Variants in NADK observed in about 807,000 individuals in gnomAD.
The protein encoded by NADK is NAD kinase, also known as poly(P)/ATP NAD kinase.
A neutral mutation model predicts 49.8 loss-of-function variants in NADK; 22 were observed. That is an observed-to-expected ratio of 0.44 (90% CI 0.32 to 0.63). The LOEUF is 0.63. Ranked by LOEUF, NADK falls within the 30% of genes least tolerant of loss-of-function variation. The pLI, the probability that NADK is intolerant of heterozygous loss-of-function variation, is 0.06. For synonymous variants in NADK, 268 were observed against 253.7 expected, an observed-to-expected ratio of 1.06 and a Z score of -0.54; for missense variants, 438 against 609.4, an observed-to-expected ratio of 0.72 and a Z score of 2.96.
At chr1:1,763,081 G>C (rs964606677) in intron 2 of NADK, among the ~76,000 whole-genome samples, 1 of 152,240 alleles carries the variant, frequency 6.6e-6, no homozygotes, top group African/African-American at 2.4e-5. Flanking sequence ...CCGCTGCCTC[G>C]CAGGGCCAGA....
chr1:1,756,281 G>A lies in NADK; in HGVS notation c.562C>T (p.Leu188=). The A allele has an allele frequency of 6.2e-7, 1 of 1,614,130 alleles. No homozygotes were observed. The highest frequency in any genetic ancestry group is 8.5e-7 in the Non-Finnish European group (1 of 1,179,988). The change falls in exon 6 of 12, where the codon CTG becomes TTG. Residue 188 remains leucine (L), a synonymous_variant. Coordinates refer to ENST00000341426, the MANE Select transcript of NADK (RefSeq NM_023018.5). ...ACCTGGAAAAGCGAGGAAGCGTACA[G>A]CAGCGTCCCGTCTCCCCCCAGGCAG... ...IICLGGDGTL[L]YASSLFQGSV... is the part of the protein sequence containing the mutation.
At chr1:1,769,035 C>G (rs1420285236) in intron 1 of NADK, among the ~76,000 whole-genome samples, 1 of 152,234 alleles carries the variant, frequency 6.6e-6, no homozygotes, top group Non-Finnish European at 1.5e-5. Context: ...ACAGCCCAGG[C>G]ACCGGCACTT....
intron 6 of NADK, 93 bp from the exon 7 acceptor site, chr1:1,755,569 G>A: frequency 2.2e-6 from 2 of 909,656 alleles, no homozygotes; most frequent in Non-Finnish European, 3.6e-6. Flanking sequence ...ACCCAGCTCT[G>A]TGGGGACAGC....
intron 3 of NADK, chr1:1,758,501 G>A (rs780637749): frequency 7.4e-6 from 12 of 1,610,866 alleles, no homozygotes; most frequent in Non-Finnish European, 1.0e-5. Flanking sequence ...CAGCATCCAG[G>A]CCACGCTTGG....
At chr1:1,771,117 TA>T (rs1646040222) in intron 1 of NADK, among the ~76,000 whole-genome samples, 2 of 147,770 alleles carry the variant, frequency 1.4e-5, no homozygotes, top group South Asian at 4.2e-4. Flanking sequence ...TATATCTTAT[TA>T]AAATATATAT....
rs535936720 is a variant in NADK at position 1,754,077 on chromosome 1, C to T, written c.1075G>A (p.Val359Met). ...TTCAGCTCGACCCCTGCGGGGACCA[C>T]GATGGGCCGGAAGGACAGCGAGTGG... ...CPHSLSFRPI[V>M]VPAGVELKIM... Residue 359 changes from valine (V) to methionine (M), a missense_variant, in exon 10 of 12, where the codon GTG (valine) becomes ATG (methionine). Coordinates refer to ENST00000341426, the MANE Select transcript of NADK (RefSeq NM_023018.5). The surrounding 1 kb of genome is among the most constrained non-coding windows in gnomAD (Gnocchi z 4.3). The T allele has an allele frequency of 8.1e-6, 13 of 1,599,342 alleles. No homozygotes were observed. In the South Asian group the frequency reaches 9.9e-5, roughly 12 times the overall value.
At chr1:1,762,180 C>A (rs1250651212) in intron 2 of NADK, 145 bp from the exon 3 acceptor site, 5 of 711,170 alleles carry the variant, frequency 7.0e-6, no homozygotes, top group African/African-American at 1.8e-5. Flanking sequence ...CACACAATAG[C>A]CCTTGGAAGG....
intron 1 of NADK, among the ~76,000 whole-genome samples, chr1:1,771,293 C>G (rs1365621050): frequency 6.6e-6 from 1 of 151,874 alleles, no homozygotes; most frequent in Non-Finnish European, 1.5e-5. Flanking sequence ...GATTGGAGGA[C>G]TCAATATTGA....
intron 2 of NADK, among the ~76,000 whole-genome samples, chr1:1,764,546 G>A (rs961933914): frequency 5.9e-5 from 9 of 152,136 alleles, no homozygotes; most frequent in African/African-American, 1.7e-4. Flanking sequence ...CCCAGCCTTC[G>A]CCTCTCAAAA....
chr1:1,761,806 G>T, intron 3 of NADK, 146 bp downstream of exon 3: 1 of 696,380 alleles, frequency 1.4e-6, no homozygotes, highest in Non-Finnish European at 2.5e-6. Flanking sequence ...CTCACATGAA[G>T]TGCTAGAATC....
At position 1,755,489 on chromosome 1, in the gene NADK, G is replaced by T; in HGVS notation, c.586-13C>A. 2 of 1,607,890 alleles carry T rather than the reference G, an allele frequency of 1.2e-6. No homozygotes were observed. Among genetic ancestry groups the T allele is most frequent in the Non-Finnish European group, 1.7e-6 (2 of 1,174,980 alleles). On this transcript the variant is annotated splice_polypyrimidine_tract_variant and intron_variant, in intron 6 of 11. Coordinates refer to ENST00000341426, the MANE Select transcript of NADK (RefSeq NM_023018.5). ...GAGGGACGCTGCCCTGTGAGCCGAC[G>T]GAGAGGTCACTCAGTGCCCACGCCG...
At chr1:1,777,505 A>G (rs985817764) in intron 1 of NADK, among the ~76,000 whole-genome samples, 2 of 152,228 alleles carry the variant, frequency 1.3e-5, no homozygotes, top group Admixed American at 1.3e-4. Flanking sequence ...TCAAGAGCCA[A>G]GAATAATGAA....
chr1:1,754,239 G>T lies in NADK; in HGVS notation c.944-31C>A. The T allele has an allele frequency of 5.0e-6, 8 of 1,613,072 alleles. No homozygotes were observed. Among genetic ancestry groups the T allele is most frequent in the Non-Finnish European group, 6.8e-6 (8 of 1,179,868 alleles). ...AGGGACAGGCGCAGGCGTCACTCCC[G>T]CCCGAGGGACGCTCAGGGCCCCAGG... is the stretch of plus-strand genomic sequence containing the variant. On this transcript the variant is annotated intron_variant, in intron 9 of 11. Coordinates refer to ENST00000341426, the MANE Select transcript of NADK (RefSeq NM_023018.5). This position sits in a 1 kb window ranked among gnomAD's most constrained non-coding sequence, Gnocchi z 4.3.
chr1:1,767,914 T>G (rs184180448), intron 1 of NADK, among the ~76,000 whole-genome samples: 3 of 152,320 alleles, frequency 2.0e-5, no homozygotes, highest in African/African-American at 7.2e-5. Flanking sequence ...GGCACACATC[T>G]GTAATCCTAA....
intron 3 of NADK, among the ~76,000 whole-genome samples, chr1:1,761,362 G>A (rs1209839383): frequency 1.3e-5 from 2 of 152,296 alleles, no homozygotes; most frequent in East Asian, 3.9e-4. Context: ...CTGGGCCCAA[G>A]TGATCTGCCT....
intron 1 of NADK, among the ~76,000 whole-genome samples, chr1:1,775,528 A>C (rs1485114444): frequency 6.6e-6 from 1 of 152,194 alleles, no homozygotes; most frequent in Non-Finnish European, 1.5e-5. Flanking sequence ...CAGCCATGTG[A>C]CCACAGGGCT....
In NADK at chr1:1,754,710, C is replaced by G. The variant is rs1306955307; in HGVS notation, c.689-12G>C. ...AACAGCTGCGTTCCCTGAGGTCCAG[C>G]AGGAGTCAGAGGGCATGCATCAGGG... On this transcript the variant is annotated splice_polypyrimidine_tract_variant and intron_variant, in intron 7 of 11. Coordinates refer to ENST00000341426, the MANE Select transcript of NADK (RefSeq NM_023018.5). The surrounding 1 kb of genome is among the most constrained non-coding windows in gnomAD (Gnocchi z 4.3). 1.2e-6 allele frequency: 2 copies of G among 1,607,064 alleles called. No homozygotes were observed. Among genetic ancestry groups the G allele is most frequent in the African/African-American group, 1.3e-5 (1 of 75,000 alleles).
chr1:1,757,155 G>GGGCC, intron 4 of NADK, 26 bp downstream of exon 4: 1 of 1,299,232 alleles, frequency 7.7e-7, no homozygotes, highest in Non-Finnish European at 1.1e-6. Flanking sequence ...TGCACCCCAG[G>GGGCC]CCCCCTTCCC....
intron 3 of NADK, chr1:1,759,101 C>T: frequency 1.3e-6 from 2 of 1,539,218 alleles, no homozygotes; most frequent in Non-Finnish European, 1.8e-6. Context: ...CACCACTGAC[C>T]CAGTGGCCTG....
Sources: gnomAD v4.1 joint callset for allele counts (sites outside exome capture counted in the v4.1 genomes callset) on GRCh38, gnomAD v4.1.1 for gene constraint, Gnocchi (gnomAD v3.1) non-coding constraint, MANE v1.5 for transcripts, NCBI Gene and HGNC (gene_info 2026-07-23, HGNC 2026-07-21) for gene names.